Variants in FBRSL1 observed in about 807,000 individuals in gnomAD.
FBRSL1 encodes the protein fibrosin like 1.
FBRSL1 carries 51 observed loss-of-function variants against 89.6 expected under a neutral mutation model. The observed-to-expected ratio is 0.57, with a 90% CI of 0.45 to 0.72. The LOEUF (loss-of-function observed/expected upper bound fraction) is 0.72. Ranked by LOEUF, FBRSL1 falls within the 30% of genes least tolerant of loss-of-function variation. The pLI, the probability that FBRSL1 is intolerant of heterozygous loss-of-function variation, is 0.00. For missense variants in FBRSL1, 1,618 were observed against 1,451.8 expected, an observed-to-expected ratio of 1.11 and a Z score of -1.86; for synonymous variants, 779 against 681.1, an observed-to-expected ratio of 1.14 and a Z score of -2.24.
intron 15 of FBRSL1, 174 bp from the exon 16 acceptor site, chr12:132,581,265 G>T (rs3751307): frequency 1.0e-6 from 1 of 985,190 alleles, no homozygotes; most frequent in African/African-American, 1.7e-5. Flanking sequence ...TCCGAATTGT[G>T]GGGTAGATTC....
intron 4 of FBRSL1, among the ~76,000 whole-genome samples, chr12:132,535,451 C>T (rs1218140806): frequency 3.3e-5 from 5 of 152,194 alleles, no homozygotes; most frequent in African/African-American, 4.8e-5. Flanking sequence ...GCCTCTGAGG[C>T]GGGATGGGGC....
Position 132,576,782 on chromosome 12 carries a change from C to T in FBRSL1, c.1702-17C>T. The T allele has an allele frequency of 6.5e-7, 1 of 1,548,566 alleles. No individual in the cohort carries two copies. Among genetic ancestry groups the T allele is most frequent in the Non-Finnish European group, 8.7e-7 (1 of 1,145,348 alleles). On this transcript the variant is annotated splice_polypyrimidine_tract_variant and intron_variant, in intron 14 of 18. Transcript: ENST00000680143. ...CAGTCCCCGGGCAGGCGGCCCTCAC[C>T]CGTTCTATCCTCCCAGGAGATGCAG... is the stretch of plus-strand genomic sequence containing the variant.
intron 8 of FBRSL1, 45 bp downstream of exon 8, chr12:132,570,585 G>A (rs927316975): frequency 2.1e-6 from 3 of 1,426,720 alleles, no homozygotes; most frequent in South Asian, 1.4e-5. Flanking sequence ...GGGTTGGGGG[G>A]TGCGGGGACA....
In FBRSL1 at chr12:132,583,787, C is replaced by T. The variant is rs1461791448; in HGVS notation, c.*9C>T. ...AGGTGGAGGCGCGGTAGCCCCGGGG[C>T]CGCAGACGCCTCTCCGAGCGGAGCG... On this transcript the variant is annotated 3_prime_UTR_variant, in exon 19 of 19. Coordinates refer to ENST00000680143, the MANE Select transcript of FBRSL1 (RefSeq NM_001367871.1). 2.5e-6 allele frequency: 3 copies of T among 1,209,780 alleles called. No homozygotes were observed. Among genetic ancestry groups the T allele is most frequent in the African/African-American group, 1.6e-5 (1 of 63,638 alleles). 74.9% of individuals were successfully genotyped at this position (1,209,780 alleles called of 1,614,324 possible). A position where few individuals can be genotyped will look rare whatever the true frequency, so the allele number is the denominator to read the frequency against.
chr12:132,506,705 G>A (rs2033726381), intron 1 of FBRSL1, among the ~76,000 whole-genome samples: 1 of 152,268 alleles, frequency 6.6e-6, no homozygotes, highest in Non-Finnish European at 1.5e-5. Flanking sequence ...ACAGCTGCCT[G>A]GGATGGGCAG....
chr12:132,494,353 G>A (rs115887646), intron 1 of FBRSL1, among the ~76,000 whole-genome samples: 109 of 152,336 alleles, frequency 7.2e-4, no homozygotes, highest in African/African-American at 2.5e-3. Flanking sequence ...TCTGAGAGGT[G>A]TATCCAGGGC....
chr12:132,507,427 C>T, intron 1 of FBRSL1: 1 of 985,558 alleles, frequency 1.0e-6, no homozygotes, highest in Non-Finnish European at 1.2e-6. Context: ...AGGTGGGGAC[C>T]CCAGAACCTG....
chr12:132,560,614 C>G (rs1485537803), intron 5 of FBRSL1, among the ~76,000 whole-genome samples: 2 of 152,146 alleles, frequency 1.3e-5, no homozygotes, highest in Non-Finnish European at 2.9e-5. Context: ...CTGGCCCAGG[C>G]TGCGCCGCGT....
chr12:132,503,731 G>T lies in FBRSL1; in HGVS notation c.292-4422G>T, dbSNP rs183543470. 3.2e-3 allele frequency among the ~76,000 whole-genome samples: 489 copies of T among 152,370 alleles called. 2 individuals are homozygous for T. Among genetic ancestry groups the T allele is most frequent in the Non-Finnish European group, 4.6e-3 (311 of 68,032 alleles). ...AGCCATGCCAGCTGGGTGCTGAGCA[G>T]ATTTTCAGGTGCTCTGCAGGGAGAG... On this transcript the variant is annotated intron_variant, in intron 1 of 18. Transcript: ENST00000680143.
chr12:132,570,059 G>C lies in FBRSL1; in HGVS notation c.825G>C (p.Pro275=). Residue 275 remains proline (P), a synonymous_variant, in exon 7 of 19, where the codon CCG becomes CCC. Coordinates refer to ENST00000680143, the MANE Select transcript of FBRSL1 (RefSeq NM_001367871.1). ...CCGCGCCCCATGCCGCGCCCTGCCC[G>C]GGGCCCCCGCCCGGCTCCCGCGCCA... ...ASPAPHAAPC[P]GPPPGSRANP... is the part of the protein sequence containing the mutation. 1 of 1,496,804 alleles carries C rather than the reference G, an allele frequency of 6.7e-7. No individual in the cohort carries two copies. The highest frequency in any genetic ancestry group is 1.5e-5 in the African/African-American group (1 of 68,936). The allele number at this position is 1,496,804 out of a possible 1,614,324, so 92.7% of individuals were successfully genotyped here. A position where few individuals can be genotyped will look rare whatever the true frequency, so the allele number is the denominator to read the frequency against.
chr12:132,507,274 C>G (rs2033801665), intron 1 of FBRSL1: 4 of 985,642 alleles, frequency 4.1e-6, no homozygotes, highest in Non-Finnish European at 4.8e-6. Context: ...CGAGAGGATT[C>G]TGTCCTTTCG....
rs1185029594 is a variant in FBRSL1, at chr12:132,508,292, A to C, written c.431A>C (p.Gln144Pro). 12 of 1,549,688 alleles carry C rather than the reference A, an allele frequency of 7.7e-6. No individual in the cohort carries two copies. Among genetic ancestry groups the C allele is most frequent in the Non-Finnish European group, 9.6e-6 (11 of 1,146,654 alleles). Reference sequence around the variant, plus strand: ...CCCCTGGAGGCAGGCAGCCCCGGGCAGGACCTCGAACCCGCCTGCGATGGG... The same window carrying C: ...CCCCTGGAGGCAGGCAGCCCCGGGCCGGACCTCGAACCCGCCTGCGATGGG... ...RRPLEAGSPG[Q>P]DLEPACDGAR... is the part of the protein sequence containing the mutation. Residue 144 changes from glutamine (Q) to proline (P), a missense_variant, in exon 2 of 19, where the codon CAG becomes CCG. By Grantham distance (76) the Gln-to-Pro change is moderately conservative. Coordinates refer to ENST00000680143, the MANE Select transcript of FBRSL1 (RefSeq NM_001367871.1).
intron 5 of FBRSL1, among the ~76,000 whole-genome samples, chr12:132,558,700 G>A (rs2038871826): frequency 6.6e-6 from 1 of 152,226 alleles, no homozygotes. Context: ...GCTTGCAGAG[G>A]GCTCCATCGA....
intron 2 of FBRSL1, among the ~76,000 whole-genome samples, chr12:132,521,716 C>T (rs1409443981): frequency 6.6e-6 from 1 of 152,158 alleles, no homozygotes; most frequent in East Asian, 1.9e-4. Context: ...GTATGGCTGT[C>T]AGAGTTGTGC....
At chr12:132,551,407 C>T (rs768731755) in intron 5 of FBRSL1, 16 of 456,130 alleles carry the variant, frequency 3.5e-5, no homozygotes, top group Admixed American at 9.4e-5. Context: ...ACCCAGCAGC[C>T]GTGCAGGGAA....
Position 132,582,232 on chromosome 12 carries a change from C to T in FBRSL1, c.2167C>T (p.Arg723Ter), listed in dbSNP as rs1350512299. 2 of 1,550,214 alleles carry T rather than the reference C, an allele frequency of 1.3e-6. No individual in the cohort carries two copies. Among genetic ancestry groups the T allele is most frequent in the Non-Finnish European group, 8.7e-7 (1 of 1,146,852 alleles). ...ERVSALTNHD[R>*]EPDNGKEEQE... ...GGTGTCAGCCCTGACCAACCATGACCGAGAGCCGGACAATGGCAAGGAGGA... is the reference window on the plus strand; with the variant it reads ...GGTGTCAGCCCTGACCAACCATGACTGAGAGCCGGACAATGGCAAGGAGGA... The change falls in exon 18 of 19, where the codon CGA becomes TGA. Residue 723 changes from arginine (R) to a stop codon, truncating the protein, a stop_gained. Coordinates refer to ENST00000680143, the MANE Select transcript of FBRSL1 (RefSeq NM_001367871.1). LOFTEE classifies it high-confidence loss of function.
At chr12:132,528,760 A>G (rs1362663157) in intron 4 of FBRSL1, among the ~76,000 whole-genome samples, 1 of 141,868 alleles carries the variant, frequency 7.0e-6, no homozygotes, top group Non-Finnish European at 1.5e-5. Flanking sequence ...GGTGTGTTTC[A>G]GGGTGTGCCC....
intron 1 of FBRSL1, among the ~76,000 whole-genome samples, chr12:132,497,699 AG>A (rs34474823): frequency 6.6e-6 from 1 of 152,088 alleles, no homozygotes; most frequent in Non-Finnish European, 1.5e-5. Flanking sequence ...CGGGACCCCT[AG>A]GGCGCCGCCT....
chr12:132,511,209 G>C, intron 2 of FBRSL1: 1 of 985,186 alleles, frequency 1.0e-6, no homozygotes, highest in South Asian at 4.7e-5. Flanking sequence ...TCAGGACTCT[G>C]CCTCCACCAC....
Sources: gnomAD v4.1 joint callset for allele counts (sites outside exome capture counted in the v4.1 genomes callset) on GRCh38, gnomAD v4.1.1 for gene constraint, MANE v1.5 for transcripts, NCBI Gene and HGNC (gene_info 2026-07-23, HGNC 2026-07-21) for gene names.